FGD3: variants seen among roughly 807,000 people sequenced by gnomAD.
The protein encoded by FGD3 is FYVE, RhoGEF and PH domain containing 3.
Under a neutral mutation model 71.8 loss-of-function variants are expected in FGD3, and 45 were observed. That is an observed-to-expected ratio of 0.63 (90% CI 0.49 to 0.80). FGD3 has a LOEUF of 0.80. FGD3 is among the 30% of genes least tolerant of loss of function. The pLI, the probability that FGD3 is intolerant of heterozygous loss-of-function variation, is 0.00. For synonymous variants in FGD3, 378 were observed against 392.8 expected (o/e 0.96, Z 0.44); for missense variants, 844 against 951.5 (o/e 0.89, Z 1.49).
At chr9:92,998,318 A>T (rs1274990926) in intron 3 of FGD3, among the ~76,000 whole-genome samples, 1 of 152,164 alleles carries the variant, frequency 6.6e-6, no homozygotes, top group African/African-American at 2.4e-5. Flanking sequence ...TTTCAGCTCC[A>T]TCAGGTCATT....
At chr9:92,947,824 G>A (rs1174740468) in intron 1 of FGD3, 95 bp downstream of exon 1, 3 of 152,594 alleles carry the variant, frequency 2.0e-5, no homozygotes, top group African/African-American at 7.2e-5. Context: ...GTCTGCGGCT[G>A]AGCAGGGCTT....
At chr9:92,970,292 TTA>T (rs957564034) in intron 1 of FGD3, among the ~76,000 whole-genome samples, 2 of 152,248 alleles carry the variant, frequency 1.3e-5, no homozygotes, top group African/African-American at 4.8e-5. Context: ...TGTACTTGCC[TTA>T]TATGTGTGTA....
chr9:92,960,597 G>GT (rs1212165670), intron 1 of FGD3, among the ~76,000 whole-genome samples: 1 of 152,178 alleles, frequency 6.6e-6, no homozygotes, highest in African/African-American at 2.4e-5. Context: ...GGAATGGGGT[G>GT]TAACAGCCAG....
In FGD3 at chr9:92,999,667, C is replaced by T. The variant is rs563343070; in HGVS notation, c.454-3258C>T. Among the ~76,000 whole-genome samples, 5 of 150,406 alleles carry T rather than the reference C, an allele frequency of 3.3e-5. No homozygotes were observed. In the South Asian group the frequency reaches 6.3e-4, roughly 19 times the overall value. On this transcript the variant is annotated intron_variant, in intron 3 of 17. Coordinates refer to ENST00000375482, the MANE Select transcript of FGD3 (RefSeq NM_001083536.2). ...GGAGTGCAGTGGCACAATCTCAGCT[C>T]GCTGTAACCTCCGCCTCCCGGGTTC...
chr9:93,020,216 C>T (rs978223520), intron 12 of FGD3, 101 bp from the exon 13 acceptor site: 21 of 1,108,112 alleles, frequency 1.9e-5, no homozygotes, highest in Middle Eastern at 2.0e-4. Context: ...GTTCTGGGAA[C>T]GCCAAGGCCC....
At position 93,003,408 on chromosome 9, in the gene FGD3, C is replaced by T. The variant is rs944505314; in HGVS notation, c.543+394C>T. ...CCTCCCAAAGTCCTGGGATTACAGGCGTGAGCCACCACGCCCGTCCTAGAA... is the reference window on the plus strand; with the variant it reads ...CCTCCCAAAGTCCTGGGATTACAGGTGTGAGCCACCACGCCCGTCCTAGAA... On this transcript the variant is annotated intron_variant, in intron 4 of 17. Coordinates refer to ENST00000375482, the MANE Select transcript of FGD3 (RefSeq NM_001083536.2). The surrounding 1 kb of genome is among the most constrained non-coding windows in gnomAD (Gnocchi z 4.1). Among the ~76,000 whole-genome samples the T allele has an allele frequency of 7.9e-5, 12 of 152,222 alleles. No homozygotes were observed. Among genetic ancestry groups the T allele is most frequent in the Admixed American group, 3.3e-4 (5 of 15,282 alleles).
At chr9:92,984,150 G>A (rs1273118388) in intron 3 of FGD3, among the ~76,000 whole-genome samples, 1 of 152,208 alleles carries the variant, frequency 6.6e-6, no homozygotes, top group Non-Finnish European at 1.5e-5. Context: ...CTGTAAAGCA[G>A]GCAAATTGTA....
chr9:93,026,686 C>T (rs555264071), intron 14 of FGD3, among the ~76,000 whole-genome samples: 7 of 152,334 alleles, frequency 4.6e-5, no homozygotes, highest in Admixed American at 3.3e-4. Flanking sequence ...CACTGGGACC[C>T]GGTCCCACTG....
chr9:92,963,973 GC>G (rs1859224691), intron 1 of FGD3: 1 of 121,568 alleles, frequency 8.2e-6, no homozygotes, highest in African/African-American at 3.1e-5. Flanking sequence ...TCCCTGCTGG[GC>G]CCCTCCTCCC....
intron 3 of FGD3, among the ~76,000 whole-genome samples, chr9:92,991,794 T>G (rs546201314): frequency 6.6e-6 from 1 of 152,332 alleles, no homozygotes; most frequent in African/African-American, 2.4e-5. Flanking sequence ...TCTTTCCCTT[T>G]ATATTTAATA....
chr9:93,018,920 A>T (rs1345965911), intron 11 of FGD3, among the ~76,000 whole-genome samples: 1 of 151,978 alleles, frequency 6.6e-6, no homozygotes, highest in Non-Finnish European at 1.5e-5. Context: ...ATCTCGGCTC[A>T]CTGCAACCTC....
intron 1 of FGD3, among the ~76,000 whole-genome samples, 199 bp downstream of exon 1, chr9:92,947,928 C>G (rs1179256714): frequency 6.6e-6 from 1 of 151,978 alleles, no homozygotes; most frequent in Non-Finnish European, 1.5e-5. Flanking sequence ...GCTTTCTGCC[C>G]CCTCCTGAGC....
intron 3 of FGD3, among the ~76,000 whole-genome samples, chr9:92,983,174 G>A (rs1373661866): frequency 6.6e-6 from 1 of 152,030 alleles, no homozygotes; most frequent in Non-Finnish European, 1.5e-5. Flanking sequence ...CACAGTCAAA[G>A]ACACAATTGA....
chr9:93,001,483 T>C (rs1220160643), intron 3 of FGD3, among the ~76,000 whole-genome samples: 1 of 152,192 alleles, frequency 6.6e-6, no homozygotes, highest in Non-Finnish European at 1.5e-5. Flanking sequence ...TTCTATCTTA[T>C]CTTCTTTACA....
chr9:92,992,203 GGTT>G (rs1286515561), intron 3 of FGD3, among the ~76,000 whole-genome samples: 1 of 152,048 alleles, frequency 6.6e-6, no homozygotes, highest in Non-Finnish European at 1.5e-5. Context: ...ATTGTGTTCT[GGTT>G]GTTTTGTATA....
At position 93,029,929 on chromosome 9, in the gene FGD3, G is replaced by T. The variant is rs1307808752; in HGVS notation, c.1613G>T (p.Cys538Phe). ...AGACGTGACAAGGAGAAGCAGAGCT[G>T]TAAGAGCTGTGGTGAGACCTTCAAC... ...KTRRDKEKQS[C>F]KSCGETFNSI... is the part of the protein sequence containing the mutation. Residue 538 changes from cysteine to phenylalanine, a missense_variant, in exon 15 of 18, where the codon TGT (cysteine) becomes TTT (phenylalanine). Physicochemically the swap from Cys to Phe is radical, Grantham distance 205. Coordinates refer to ENST00000375482, the MANE Select transcript of FGD3 (RefSeq NM_001083536.2). 2 of 1,613,694 alleles carry T rather than the reference G, an allele frequency of 1.2e-6. No individual in the cohort carries two copies. The highest frequency in any genetic ancestry group is 1.7e-6 in the Non-Finnish European group (2 of 1,179,784).
chr9:92,997,828 C>T (rs569625059), intron 3 of FGD3, among the ~76,000 whole-genome samples: 60 of 152,234 alleles, frequency 3.9e-4, no homozygotes, highest in African/African-American at 1.4e-3. Flanking sequence ...GAGTTTCTGC[C>T]GAGAGATCCA....
intron 1 of FGD3, among the ~76,000 whole-genome samples, chr9:92,961,294 T>TGG (rs1859163562): frequency 1.3e-5 from 2 of 152,174 alleles, no homozygotes; most frequent in Admixed American, 1.3e-4. Context: ...TAAGGGACAC[T>TGG]GGAGGCACAG....
chr9:93,002,153 T>C (rs1860877893), intron 3 of FGD3, among the ~76,000 whole-genome samples: 1 of 152,234 alleles, frequency 6.6e-6, no homozygotes, highest in African/African-American at 2.4e-5. Context: ...TGCCCTGTCC[T>C]GCATGAAGTG....
Sources: allele counts gnomAD v4.1 joint callset (sites outside exome capture counted in the v4.1 genomes callset), GRCh38; gene constraint gnomAD v4.1.1; non-coding constraint Gnocchi (gnomAD v3.1); transcripts MANE v1.5; gene names NCBI Gene and HGNC (gene_info 2026-07-23, HGNC 2026-07-21).